Variants in LHFPL3 observed in about 807,000 individuals in gnomAD.
LHFPL3 encodes LHFPL tetraspan subfamily member 3 protein.
LHFPL3 carries 5 observed loss-of-function variants against 19.3 expected under a neutral mutation model. The ratio of observed to expected loss-of-function variants is 0.26; its 90% CI spans 0.14 to 0.54. The LOEUF (loss-of-function observed/expected upper bound fraction) is 0.54, where lower values mean the gene tolerates loss of function less well. LHFPL3 is among the 20% of genes least tolerant of loss of function. The probability of loss-of-function intolerance (pLI) is 0.94; values close to 1 mark genes in which losing one functional copy is unlikely to be tolerated. For missense variants in LHFPL3, 249 were observed against 307.4 expected (o/e 0.81, Z 1.42); for synonymous variants, 133 against 126.2 (o/e 1.05, Z -0.36).
Position 104,372,573 on chromosome 7 carries a change from TA to T in LHFPL3, c.445+43351del, listed in dbSNP as rs1221878882. Among the ~76,000 whole-genome samples the T allele has an allele frequency of 2.0e-5, 3 of 152,312 alleles. No homozygotes were observed. In the East Asian group the frequency reaches 5.8e-4, roughly 29 times the overall value. On this transcript the variant is annotated intron_variant, in intron 1 of 2. Transcript: ENST00000424859. ...GCTCTGATCCTCAAAAGAAAAGGTCTAATGGTTAACATATGAGCTCCACCAT... is the reference window on the plus strand; with the variant it reads ...GCTCTGATCCTCAAAAGAAAAGGTCTATGGTTAACATATGAGCTCCACCAT...
rs62485121 is a variant in LHFPL3, at chr7:104,510,567, A to T, written c.445+181343A>T. Among the ~76,000 whole-genome samples, 1,185 of 152,326 alleles carry T rather than the reference A, an allele frequency of 7.8e-3. 26 individuals carry two copies. The East Asian group carries it at 0.09, about 12-fold the overall frequency. ...CAACATGGATTGCAGAGTTAAATATAAAACTGTAAAACCTTTAGAATAAAA... is the reference window on the plus strand; with the variant it reads ...CAACATGGATTGCAGAGTTAAATATTAAACTGTAAAACCTTTAGAATAAAA... On this transcript the variant is annotated intron_variant, in intron 1 of 2. Coordinates refer to ENST00000424859, the MANE Select transcript of LHFPL3 (RefSeq NM_199000.3).
At chr7:104,763,308 A>G (rs1794407092) in intron 2 of LHFPL3, among the ~76,000 whole-genome samples, 2 of 152,212 alleles carry the variant, frequency 1.3e-5, no homozygotes, top group African/African-American at 4.8e-5. Context: ...ATCTCGTTCC[A>G]AGAAAACTAG....
intron 1 of LHFPL3, among the ~76,000 whole-genome samples, chr7:104,545,616 C>T (rs1794564313): frequency 6.6e-6 from 1 of 152,190 alleles, no homozygotes; most frequent in Admixed American, 6.6e-5. Flanking sequence ...TCCAGTAGAG[C>T]ACTGTGCGAT....
chr7:104,417,789 G>T (rs1391566835), intron 1 of LHFPL3, among the ~76,000 whole-genome samples: 1 of 151,900 alleles, frequency 6.6e-6, no homozygotes, highest in African/African-American at 2.4e-5. Flanking sequence ...TTGACTCATG[G>T]TAAGTACACG....
intron 2 of LHFPL3, among the ~76,000 whole-genome samples, chr7:104,825,638 T>C (rs1790803273): frequency 6.6e-6 from 1 of 151,920 alleles, no homozygotes. Context: ...TTCCTTCAAA[T>C]AGTATGAAAT....
intron 1 of LHFPL3, among the ~76,000 whole-genome samples, chr7:104,467,002 A>G (rs976493018): frequency 6.6e-6 from 1 of 152,210 alleles, no homozygotes; most frequent in Non-Finnish European, 1.5e-5. Context: ...TCCAGTGGTC[A>G]ACATCCTTAT....
intron 2 of LHFPL3, among the ~76,000 whole-genome samples, chr7:104,738,145 C>T (rs1793864669): frequency 1.3e-5 from 2 of 152,160 alleles, no homozygotes; most frequent in South Asian, 4.1e-4. Context: ...ATATTCTAAA[C>T]ACAAAAATAA....
At chr7:104,900,357 G>T (rs1584606562) in intron 2 of LHFPL3, among the ~76,000 whole-genome samples, 1 of 152,196 alleles carries the variant, frequency 6.6e-6, no homozygotes, top group Non-Finnish European at 1.5e-5. Flanking sequence ...ATCCCTTCTT[G>T]TGAAATACTT....
chr7:104,566,420 C>T (rs146004986), intron 1 of LHFPL3, among the ~76,000 whole-genome samples: 2 of 152,170 alleles, frequency 1.3e-5, no homozygotes, highest in Non-Finnish European at 2.9e-5. Context: ...ATAAAAATAC[C>T]CTGACCTCTC....
chr7:104,794,404 T>C (rs550524242), intron 2 of LHFPL3, among the ~76,000 whole-genome samples: 1 of 152,304 alleles, frequency 6.6e-6, no homozygotes, highest in Non-Finnish European at 1.5e-5. Flanking sequence ...GAAAGCTATA[T>C]AAATTTGCCA....
intron 1 of LHFPL3, among the ~76,000 whole-genome samples, chr7:104,608,848 T>C (rs1342100038): frequency 6.6e-6 from 1 of 152,176 alleles, no homozygotes; most frequent in Non-Finnish European, 1.5e-5. Context: ...AACCCCTCTG[T>C]GCCTCAGTCT....
At chr7:104,667,858 C>A in intron 1 of LHFPL3, 1 of 1,611,936 alleles carries the variant, frequency 6.2e-7, no homozygotes. Context: ...GTTTCCAAAC[C>A]AGTCAGCTGG....
intron 1 of LHFPL3, among the ~76,000 whole-genome samples, chr7:104,541,529 G>T (rs955599593): frequency 6.6e-6 from 1 of 152,116 alleles, no homozygotes; most frequent in Non-Finnish European, 1.5e-5. Flanking sequence ...CTCAAGTAAG[G>T]TTTTGACCAT....
intron 1 of LHFPL3, among the ~76,000 whole-genome samples, chr7:104,486,128 G>C (rs1056590725): frequency 6.6e-6 from 1 of 152,124 alleles, no homozygotes. Context: ...AGTGACAAAA[G>C]ATTTCCTACT....
intron 1 of LHFPL3, among the ~76,000 whole-genome samples, chr7:104,471,097 T>G (rs529386024): frequency 2.5e-4 from 38 of 152,198 alleles, no homozygotes; most frequent in Non-Finnish European, 5.0e-4. Flanking sequence ...TTCTCGTGAT[T>G]TTTTCATTTA....
At chr7:104,542,791 C>G (rs562489683) in intron 1 of LHFPL3, among the ~76,000 whole-genome samples, 9 of 152,244 alleles carry the variant, frequency 5.9e-5, no homozygotes, top group African/African-American at 2.2e-4. Context: ...ACTCAGCAAT[C>G]CCATTACTGA....
Position 104,444,195 on chromosome 7 carries a change from C to G in LHFPL3, c.445+114971C>G, listed in dbSNP as rs367971767. On this transcript the variant is annotated intron_variant, in intron 1 of 2. Coordinates refer to ENST00000424859, the MANE Select transcript of LHFPL3 (RefSeq NM_199000.3). Reference sequence around the variant, plus strand: ...GGGCCATTTGTAACCAGCAGAGCAGCTGTAACATGCCTACAGAGTGACTTC... The same window carrying G: ...GGGCCATTTGTAACCAGCAGAGCAGGTGTAACATGCCTACAGAGTGACTTC... Among the ~76,000 whole-genome samples the G allele has an allele frequency of 4.6e-5, 7 of 152,324 alleles. No individual in the cohort carries two copies. The East Asian group carries it at 7.7e-4, about 17-fold the overall frequency.
At chr7:104,736,651 T>G (rs1216320157) in intron 1 of LHFPL3, 24 bp from the exon 2 acceptor site, 1 of 1,506,426 alleles carries the variant, frequency 6.6e-7, no homozygotes. Context: ...TTGTTTCTTT[T>G]GTTTTTCTCT....
chr7:104,675,044 A>G (rs1381394149), intron 1 of LHFPL3, among the ~76,000 whole-genome samples: 2 of 152,226 alleles, frequency 1.3e-5, no homozygotes, highest in Non-Finnish European at 2.9e-5. Flanking sequence ...GAAAAACTAG[A>G]CAATAAGCAA....
Sources: allele counts gnomAD v4.1 joint callset (sites outside exome capture counted in the v4.1 genomes callset), GRCh38; gene constraint gnomAD v4.1.1; transcripts MANE v1.5; gene names NCBI Gene and HGNC (gene_info 2026-07-23, HGNC 2026-07-21).